Variants in CCDC32 observed in about 807,000 individuals in gnomAD.
CCDC32 encodes coiled-coil domain containing 32.
Under a neutral mutation model 20.1 loss-of-function variants are expected in CCDC32, and 9 were observed. That is an observed-to-expected ratio of 0.45 (90% CI 0.27 to 0.78). The LOEUF (loss-of-function observed/expected upper bound fraction) is 0.78. CCDC32 is among the 30% of genes least tolerant of loss of function. The pLI, the probability that CCDC32 is intolerant of heterozygous loss-of-function variation, is 0.16. For synonymous variants in CCDC32, 63 were observed against 79.0 expected, an observed-to-expected ratio of 0.80 and a Z score of 1.07; for missense variants, 204 against 215.5, an observed-to-expected ratio of 0.95 and a Z score of 0.33.
downstream of CCDC32, among the ~76,000 whole-genome samples, chr15:40,548,959 A>G (rs187483423): frequency 1.3e-5 from 2 of 152,320 alleles, no homozygotes; most frequent in East Asian, 1.9e-4. Context: ...GGAAAATACA[A>G]TCTGCCATAC....
chr15:40,525,754 T>C (rs1199224777), downstream of CCDC32, among the ~76,000 whole-genome samples: 1 of 152,158 alleles, frequency 6.6e-6, no homozygotes, highest in Non-Finnish European at 1.5e-5. Context: ...ACCCAGGACA[T>C]TCAGGATTCA....
At chr15:40,558,214 C>A (rs1890379530) in intron 2 of CCDC32, among the ~76,000 whole-genome samples, 1 of 152,158 alleles carries the variant, frequency 6.6e-6, no homozygotes, top group Non-Finnish European at 1.5e-5. Context: ...TGGTGAACAT[C>A]AAGCTTAGAA....
At chr15:40,561,598 A>C (rs562304639) in intron 2 of CCDC32, among the ~76,000 whole-genome samples, 4 of 152,280 alleles carry the variant, frequency 2.6e-5, no homozygotes, top group African/African-American at 9.6e-5. Flanking sequence ...CATTGGGTAC[A>C]ATGTCCACTA....
downstream of CCDC32, chr15:40,538,529 G>A (rs575065942): frequency 1.9e-4 from 29 of 152,334 alleles, no homozygotes; most frequent in African/African-American, 5.3e-4. Flanking sequence ...TCACTGGTTC[G>A]AATTAGCGGG....
chr15:40,526,151 C>T (rs76848222), downstream of CCDC32, among the ~76,000 whole-genome samples: 1,938 of 152,262 alleles, frequency 0.013, 43 homozygotes, highest in African/African-American at 0.044. Context: ...TAAAGCTGCT[C>T]ATGCACTAGG....
At chr15:40,542,091 C>A (rs1471543707) in intron 3 of CCDC32, among the ~76,000 whole-genome samples, 1 of 152,232 alleles carries the variant, frequency 6.6e-6, no homozygotes, top group Non-Finnish European at 1.5e-5. Flanking sequence ...TGACCTGATC[C>A]AACTTTCTAC....
At chr15:40,525,034 T>C (rs1894883639), downstream of CCDC32, among the ~76,000 whole-genome samples, 1 of 151,458 alleles carries the variant, frequency 6.6e-6, no homozygotes, top group Non-Finnish European at 1.5e-5. Flanking sequence ...AGCCAAGCTG[T>C]TCTTTTTTTT....
chr15:40,521,276 C>G, the CCDC32 span, among the ~76,000 whole-genome samples: 2 of 152,168 alleles, frequency 1.3e-5, no homozygotes, highest in African/African-American at 4.8e-5. Context: ...TTTGCATATT[C>G]TAGACATTGC....
At chr15:40,554,213 C>A (rs1237856002) in intron 3 of CCDC32, 86 bp from the exon 4 acceptor site, 1 of 1,502,262 alleles carries the variant, frequency 6.7e-7, no homozygotes, top group Non-Finnish European at 8.9e-7. Context: ...CAAACACTAC[C>A]TTCCCGCCCA....
intron 3 of CCDC32, among the ~76,000 whole-genome samples, chr15:40,543,021 G>A (rs967113983): frequency 6.6e-6 from 1 of 150,924 alleles, no homozygotes; most frequent in Non-Finnish European, 1.5e-5. Flanking sequence ...CAGGGGTATA[G>A]TCACAGCAAA....
rs1001014304 is a variant in CCDC32 at position 40,528,873 on chromosome 15, G to A, written c.402-83C>T. On this transcript the variant is annotated intron_variant, in intron 3 of 3. Transcript: ENST00000560305. The stretch of plus-strand genomic sequence containing the variant: ...TGCATAATGGTGGCTCTGAGCCTGG[G>A]ATTTCCAAGGACAGACTCGTGTCTA... The A allele has an allele frequency of 7.5e-6, 5 of 663,626 alleles. No individual in the cohort carries two copies. The Admixed American group carries it at 9.6e-5, about 13-fold the overall frequency. The allele number at this position is 663,626 out of a possible 1,614,324, so 41.1% of individuals were successfully genotyped here.
chr15:40,558,221 A>C (rs777468997), intron 2 of CCDC32, among the ~76,000 whole-genome samples: 1 of 152,214 alleles, frequency 6.6e-6, no homozygotes, highest in Non-Finnish European at 1.5e-5. Context: ...CATCAAGCTT[A>C]GAACCAATAG....
At position 40,564,979 on chromosome 15, in the gene CCDC32, A is replaced by G. The variant is rs1890925525; in HGVS notation, c.-16T>C. 3 of 618,370 alleles carry G rather than the reference A, an allele frequency of 4.9e-6. No homozygotes were observed. In the South Asian group the frequency reaches 6.0e-5, roughly 12 times the overall value. 38.3% of individuals were successfully genotyped at this position (618,370 alleles called of 1,614,324 possible). A position where few individuals can be genotyped will look rare whatever the true frequency, so the allele number is the denominator to read the frequency against. Reference sequence around the variant, plus strand: ...ACCCCAGCCCCTCCTCACTTACCGTAACAGCTGCCCAGTAAACGCTTGGCT... The same window carrying G: ...ACCCCAGCCCCTCCTCACTTACCGTGACAGCTGCCCAGTAAACGCTTGGCT... On this transcript the variant is annotated 5_prime_UTR_variant, in exon 1 of 4. Coordinates refer to ENST00000416810, the MANE Select transcript of CCDC32 (RefSeq NM_001080792.4).
At chr15:40,564,608 T>C (rs1239456148) in intron 1 of CCDC32, among the ~76,000 whole-genome samples, 4 of 151,960 alleles carry the variant, frequency 2.6e-5, no homozygotes, top group Non-Finnish European at 5.9e-5. Flanking sequence ...TGAGGCAAGG[T>C]CTGAATAATG....
chr15:40,544,369 C>T (rs7164385), intron 3 of CCDC32, among the ~76,000 whole-genome samples: 54,450 of 151,878 alleles, frequency 0.36, 9,949 homozygotes, highest in Middle Eastern at 0.4. Flanking sequence ...TGCAGTACCA[C>T]GCCAGGCTAA....
intron 2 of CCDC32, among the ~76,000 whole-genome samples, chr15:40,560,166 C>T (rs781375181): frequency 1.6e-4 from 24 of 152,134 alleles, no homozygotes; most frequent in Non-Finnish European, 1.9e-4. Flanking sequence ...TGCGCCACCA[C>T]GCCCAGCTAA....
chr15:40,530,899 A>G (rs191249404), downstream of CCDC32, among the ~76,000 whole-genome samples: 8 of 151,346 alleles, frequency 5.3e-5, no homozygotes, highest in Admixed American at 2.0e-4. Flanking sequence ...TTGTAGAAAC[A>G]GGGTTTTGCC....
chr15:40,535,635 T>C (rs1889077640), downstream of CCDC32: 1 of 984,710 alleles, frequency 1.0e-6, no homozygotes. Context: ...AAAAAAATAG[T>C]GCATGCTGAA....
intron 3 of CCDC32, 119 bp from the exon 4 acceptor site, chr15:40,554,246 GT>G: frequency 7.3e-7 from 1 of 1,363,612 alleles, no homozygotes. Flanking sequence ...TCCTACAATT[GT>G]TTTTCACTGC....
Sources: gnomAD v4.1 joint callset for allele counts (sites outside exome capture counted in the v4.1 genomes callset) on GRCh38, gnomAD v4.1.1 for gene constraint, MANE v1.5 for transcripts, NCBI Gene and HGNC (gene_info 2026-07-23, HGNC 2026-07-21) for gene names.